The following SMYD3 variants were observed in gnomAD, a reference collection of about 807,000 sequenced individuals.
The protein encoded by SMYD3 is SET and MYND domain containing 3.
In SMYD3, 36 loss-of-function variants were observed where a neutral mutation model predicts 57.7. That is an observed-to-expected ratio of 0.62 (90% CI 0.48 to 0.82). The LOEUF is 0.82. Among genes scored for constraint, SMYD3 ranks in the 40% least tolerant of loss-of-function variants. The pLI is 0.00. For missense variants in SMYD3, 515 were observed against 538.8 expected (o/e 0.96, Z 0.44); for synonymous variants, 211 against 195.0 (o/e 1.08, Z -0.68).
chr1:246,488,271 G>A (rs968846359), intron 1 of SMYD3, among the ~76,000 whole-genome samples: 5 of 152,212 alleles, frequency 3.3e-5, no homozygotes, highest in Non-Finnish European at 5.9e-5. Context: ...GAAACTAACA[G>A]AAGAAAGGTA....
intron 8 of SMYD3, among the ~76,000 whole-genome samples, chr1:245,911,573 T>A (rs900877049): frequency 2.0e-5 from 3 of 151,976 alleles, no homozygotes; most frequent in Non-Finnish European, 4.4e-5. Flanking sequence ...AATAAAATCC[T>A]GTCATTTGTA....
intron 5 of SMYD3, among the ~76,000 whole-genome samples, chr1:246,078,019 C>A (rs1007754417): frequency 6.6e-6 from 1 of 151,770 alleles, no homozygotes; most frequent in East Asian, 1.9e-4. Context: ...TTTTAAAGTG[C>A]CTTTCATAAA....
At chr1:245,855,884 C>CA (rs1309175700) in intron 10 of SMYD3, among the ~76,000 whole-genome samples, 1 of 152,162 alleles carries the variant, frequency 6.6e-6, no homozygotes, top group Non-Finnish European at 1.5e-5. Context: ...CTAGTTGTTG[C>CA]AAACAATATA....
At chr1:245,804,427 G>T (rs918811600) in intron 10 of SMYD3, among the ~76,000 whole-genome samples, 1 of 151,984 alleles carries the variant, frequency 6.6e-6, no homozygotes, top group South Asian at 2.1e-4. Flanking sequence ...CTAAAAATAC[G>T]GGCGCCTGTA....
At chr1:246,033,184 G>C (rs1276439375) in intron 5 of SMYD3, among the ~76,000 whole-genome samples, 1 of 151,938 alleles carries the variant, frequency 6.6e-6, no homozygotes, top group Non-Finnish European at 1.5e-5. Flanking sequence ...TTAAACTGTG[G>C]TCCATCCACA....
Position 246,294,888 on chromosome 1 carries a change from C to T in SMYD3, c.531+32313G>A, listed in dbSNP as rs555245469. 7.0e-4 allele frequency among the ~76,000 whole-genome samples: 106 copies of T among 152,180 alleles called. 1 individual carries two copies. The highest frequency in any genetic ancestry group is 1.2e-3 in the Non-Finnish European group (82 of 68,032). On this transcript the variant is annotated intron_variant, in intron 5 of 11. Coordinates refer to ENST00000490107, the MANE Select transcript of SMYD3 (RefSeq NM_001167740.2). ...TGTTGGGATTACAGGCATGAGCCAT[C>T]GTGCCCGACCCAATTAGCCTTTCTG...
intron 5 of SMYD3, among the ~76,000 whole-genome samples, chr1:246,240,519 T>A (rs945439622): frequency 6.6e-6 from 1 of 152,076 alleles, no homozygotes; most frequent in Admixed American, 6.6e-5. Flanking sequence ...TGAAGTCAGG[T>A]AGCATGATGC....
chr1:246,078,441 G>C (rs2060583023), intron 5 of SMYD3, among the ~76,000 whole-genome samples: 1 of 152,166 alleles, frequency 6.6e-6, no homozygotes, highest in Non-Finnish European at 1.5e-5. Context: ...CTATGAAAAA[G>C]TAACTTTGAA....
At chr1:246,328,118 C>T (rs2065386961) in intron 4 of SMYD3, among the ~76,000 whole-genome samples, 1 of 152,006 alleles carries the variant, frequency 6.6e-6, no homozygotes, top group South Asian at 2.1e-4. Flanking sequence ...CACTTGAACC[C>T]AGGAGGTGGC....
intron 2 of SMYD3, among the ~76,000 whole-genome samples, chr1:246,338,091 T>A (rs546327192): frequency 6.6e-6 from 1 of 152,208 alleles, no homozygotes; most frequent in Non-Finnish European, 1.5e-5. Context: ...ATTATTTCCA[T>A]GAAAAGCCAA....
intron 5 of SMYD3, among the ~76,000 whole-genome samples, chr1:246,170,840 A>G (rs2062317371): frequency 6.6e-6 from 1 of 152,172 alleles, no homozygotes; most frequent in East Asian, 1.9e-4. Context: ...GTAATCTTCT[A>G]CATTTCTTAA....
At chr1:245,938,228 G>A (rs2057062263) in intron 5 of SMYD3, among the ~76,000 whole-genome samples, 1 of 152,234 alleles carries the variant, frequency 6.6e-6, no homozygotes, top group Admixed American at 6.5e-5. Context: ...AGTAGCTGAA[G>A]TGTGCATGAC....
chr1:246,012,239 A>T (rs2059295707), intron 5 of SMYD3, among the ~76,000 whole-genome samples: 9 of 152,202 alleles, frequency 5.9e-5, no homozygotes, highest in Admixed American at 5.9e-4. Flanking sequence ...ACCACACACC[A>T]TGACAATAAA....
chr1:245,774,508 G>A (rs1010102075), intron 10 of SMYD3, among the ~76,000 whole-genome samples: 1 of 152,118 alleles, frequency 6.6e-6, no homozygotes, highest in Non-Finnish European at 1.5e-5. Flanking sequence ...AGAGCTGAAG[G>A]GTGCAGGGCT....
intron 5 of SMYD3, among the ~76,000 whole-genome samples, chr1:246,068,891 T>C (rs993764781): frequency 6.6e-6 from 1 of 152,172 alleles, no homozygotes; most frequent in African/African-American, 2.4e-5. Flanking sequence ...CCTTACCCCT[T>C]ATGTCTTACC....
intron 5 of SMYD3, among the ~76,000 whole-genome samples, chr1:246,145,411 C>G (rs1458810966): frequency 6.6e-6 from 1 of 152,130 alleles, no homozygotes; most frequent in African/African-American, 2.4e-5. Flanking sequence ...TTGTTGGGAT[C>G]ATATTAGATA....
intron 5 of SMYD3, among the ~76,000 whole-genome samples, chr1:246,016,235 C>T (rs1448593479): frequency 7.0e-6 from 1 of 142,874 alleles, no homozygotes; most frequent in Non-Finnish European, 1.5e-5. Context: ...AACCCCATCA[C>T]TTAAAAAAAA....
intron 5 of SMYD3, among the ~76,000 whole-genome samples, chr1:246,116,576 A>T (rs12096848): frequency 0.16 from 24,640 of 151,994 alleles, 3,535 homozygotes; most frequent in African/African-American, 0.39. Flanking sequence ...TTAAACATAG[A>T]ATACATCAAA....
intron 5 of SMYD3, among the ~76,000 whole-genome samples, chr1:246,264,916 G>C (rs1297497962): frequency 6.6e-6 from 1 of 152,182 alleles, no homozygotes; most frequent in Non-Finnish European, 1.5e-5. Context: ...GATGCATACA[G>C]AATCAGTCTT....
Sources: gnomAD v4.1 joint callset for allele counts (sites outside exome capture counted in the v4.1 genomes callset) on GRCh38, gnomAD v4.1.1 for gene constraint, MANE v1.5 for transcripts, NCBI Gene and HGNC (gene_info 2026-07-23, HGNC 2026-07-21) for gene names.